PCDH9: variants seen among roughly 807,000 people sequenced by gnomAD.
PCDH9 encodes protocadherin 9.
A neutral mutation model predicts 70.6 loss-of-function variants in PCDH9; 24 were observed. The ratio of observed to expected loss-of-function variants is 0.34; its 90% CI spans 0.25 to 0.48. The LOEUF is 0.48. Among genes scored for constraint, PCDH9 ranks in the 20% least tolerant of loss-of-function variants. The pLI, the probability that PCDH9 is intolerant of heterozygous loss-of-function variation, is 0.99. For missense variants in PCDH9, 1,281 were observed against 1,503.6 expected, an observed-to-expected ratio of 0.85 and a Z score of 2.45; for synonymous variants, 562 against 558.5, an observed-to-expected ratio of 1.01 and a Z score of -0.09.
chr13:66,450,625 T>C (rs1958186378), intron 4 of PCDH9, among the ~76,000 whole-genome samples: 1 of 152,178 alleles, frequency 6.6e-6, no homozygotes, highest in African/African-American at 2.4e-5. Context: ...CGTTTTCAAG[T>C]GGAGTTGTGA....
intron 3 of PCDH9, among the ~76,000 whole-genome samples, chr13:66,883,658 C>T (rs2081959019): frequency 6.6e-6 from 1 of 152,070 alleles, no homozygotes; most frequent in South Asian, 2.1e-4. Context: ...TAAAAAAAGG[C>T]CTTCAAGAAA....
intron 2 of PCDH9, among the ~76,000 whole-genome samples, chr13:67,009,656 C>A (rs1314533758): frequency 6.6e-6 from 1 of 152,024 alleles, no homozygotes; most frequent in Non-Finnish European, 1.5e-5. Context: ...TCTCCCACAG[C>A]AGATTCCACC....
At chr13:67,060,635 G>A (rs567972755) in intron 2 of PCDH9, among the ~76,000 whole-genome samples, 32 of 151,880 alleles carry the variant, frequency 2.1e-4, no homozygotes, top group Admixed American at 1.2e-3. Flanking sequence ...ATAGAAATAC[G>A]GTGGCATTTT....
rs554689603 is a variant in PCDH9 at position 67,115,878 on chromosome 13, T to C, written c.3036+109527A>G. On this transcript the variant is annotated intron_variant, in intron 2 of 4. Coordinates refer to ENST00000377865, the MANE Select transcript of PCDH9 (RefSeq NM_203487.3). ...TCAGGATGATAATAATAATATATCC[T>C]ATATCCGCTTTCAAATTTTATCATT... Among the ~76,000 whole-genome samples the C allele has an allele frequency of 1.6e-4, 24 of 152,348 alleles. 1 individual carries two copies. In the Middle Eastern group the frequency reaches 0.014, roughly 86 times the overall value.
At chr13:66,702,837 C>T (rs903240905) in intron 3 of PCDH9, among the ~76,000 whole-genome samples, 1 of 152,002 alleles carries the variant, frequency 6.6e-6, no homozygotes, top group African/African-American at 2.4e-5. Context: ...TAAGGGAGAA[C>T]AAAAATTTGG....
chr13:66,351,359 T>A (rs1393894623), intron 4 of PCDH9, among the ~76,000 whole-genome samples: 1 of 152,168 alleles, frequency 6.6e-6, no homozygotes, highest in Non-Finnish European at 1.5e-5. Flanking sequence ...CTCCTACTGA[T>A]GACAATACCA....
intron 2 of PCDH9, among the ~76,000 whole-genome samples, chr13:67,024,726 A>T (rs1353484662): frequency 6.6e-6 from 1 of 152,140 alleles, no homozygotes; most frequent in Non-Finnish European, 1.5e-5. Flanking sequence ...TTGATTACCT[A>T]GACTTGAGAC....
At chr13:66,713,621 G>GTATATATATATATATATATA (rs1415001060) in intron 3 of PCDH9, among the ~76,000 whole-genome samples, 2 of 16,886 alleles carry the variant, frequency 1.2e-4, no homozygotes, top group Non-Finnish European at 1.6e-4. Context: ...AAGTGTGTGT[G>GTATATATATATATATATATA]TGTGTATATA....
chr13:66,889,834 C>T (rs528759884), intron 3 of PCDH9, among the ~76,000 whole-genome samples: 70 of 152,248 alleles, frequency 4.6e-4, no homozygotes, highest in African/African-American at 1.6e-3. Context: ...ATGTTTTTTA[C>T]CTGACTATGT....
chr13:66,540,774 C>T lies in PCDH9; in HGVS notation c.3340+90436G>A, dbSNP rs185156483. On this transcript the variant is annotated intron_variant, in intron 4 of 4. Transcript: ENST00000377865. ...GTGGTAATTAAAATTCATTTAGTAT[C>T]AGTGATAAGCTAAGGTATCATTAAA... Among the ~76,000 whole-genome samples, 398 of 152,232 alleles carry T rather than the reference C, an allele frequency of 2.6e-3. 3 individuals carry two copies. Among genetic ancestry groups the T allele is most frequent in the African/African-American group, 9.0e-3 (376 of 41,558 alleles).
At chr13:66,959,579 C>G (rs1332525514) in intron 2 of PCDH9, among the ~76,000 whole-genome samples, 2 of 151,410 alleles carry the variant, frequency 1.3e-5, no homozygotes, top group African/African-American at 4.9e-5. Context: ...ATGGCAAGAC[C>G]CTGTCTCTGC....
chr13:66,544,437 C>G (rs1961094391), intron 4 of PCDH9, among the ~76,000 whole-genome samples: 1 of 152,110 alleles, frequency 6.6e-6, no homozygotes, highest in African/African-American at 2.4e-5. Context: ...GCAGGCCAGG[C>G]AGGTGAGCCC....
At chr13:66,631,874 A>G (rs532402999) in intron 3 of PCDH9, among the ~76,000 whole-genome samples, 1 of 152,258 alleles carries the variant, frequency 6.6e-6, no homozygotes, top group African/African-American at 2.4e-5. Flanking sequence ...TATTTCCTAC[A>G]GTACCACCTC....
chr13:66,576,290 G>C (rs2076814212), intron 4 of PCDH9, among the ~76,000 whole-genome samples: 1 of 151,798 alleles, frequency 6.6e-6, no homozygotes, highest in Non-Finnish European at 1.5e-5. Context: ...CTGTGATCAG[G>C]TGTTCCAGTT....
At chr13:66,565,380 G>A (rs1229953703) in intron 4 of PCDH9, among the ~76,000 whole-genome samples, 1 of 152,118 alleles carries the variant, frequency 6.6e-6, no homozygotes, top group East Asian at 1.9e-4. Context: ...GTGCCCTCAA[G>A]ATTCACAGCA....
chr13:66,489,389 C>T (rs1958996694), intron 4 of PCDH9, among the ~76,000 whole-genome samples: 1 of 152,262 alleles, frequency 6.6e-6, no homozygotes, highest in East Asian at 1.9e-4. Flanking sequence ...CAGCTCACTG[C>T]AGCCTTGACC....
chr13:66,930,735 AAAAC>A (rs1263954598), intron 2 of PCDH9, among the ~76,000 whole-genome samples: 1 of 152,150 alleles, frequency 6.6e-6, no homozygotes, highest in African/African-American at 2.4e-5. Flanking sequence ...ATCTAGAAAA[AAAAC>A]AAGCAATAGC....
At chr13:66,444,433 A>G (rs1958032791) in intron 4 of PCDH9, among the ~76,000 whole-genome samples, 1 of 152,220 alleles carries the variant, frequency 6.6e-6, no homozygotes, top group South Asian at 2.1e-4. Flanking sequence ...AAATGAAGTT[A>G]TAACTGTTAG....
intron 2 of PCDH9, among the ~76,000 whole-genome samples, chr13:67,143,430 C>G (rs1281249367): frequency 6.6e-6 from 1 of 152,162 alleles, no homozygotes; most frequent in Non-Finnish European, 1.5e-5. Context: ...GTTCTGGTCA[C>G]AATGACTTCA....
Sources: allele counts gnomAD v4.1 joint callset (sites outside exome capture counted in the v4.1 genomes callset), GRCh38; gene constraint gnomAD v4.1.1; transcripts MANE v1.5; gene names NCBI Gene and HGNC (gene_info 2026-07-23, HGNC 2026-07-21).